RB1CC1: variants seen among roughly 807,000 people sequenced by gnomAD.
RB1CC1 encodes the protein RB1-inducible coiled-coil protein 1.
Under a neutral mutation model 177.5 loss-of-function variants are expected in RB1CC1, and 46 were observed. That is an observed-to-expected ratio of 0.26 (90% confidence interval 0.20 to 0.33). The LOEUF is 0.33. Among genes scored for constraint, RB1CC1 ranks in the 10% least tolerant of loss-of-function variants. RB1CC1 has a pLI of 1.00. For synonymous variants in RB1CC1, 666 were observed against 613.6 expected, an observed-to-expected ratio of 1.09 and a Z score of -1.26; for missense variants, 1,703 against 1,816.3, an observed-to-expected ratio of 0.94 and a Z score of 1.13.
At chr8:52,708,780 T>C (rs961980932) in intron 1 of RB1CC1, among the ~76,000 whole-genome samples, 1 of 152,140 alleles carries the variant, frequency 6.6e-6, no homozygotes, top group African/African-American at 2.4e-5. Flanking sequence ...AGCTGTATTT[T>C]AAAAAATATT....
chr8:52,677,986 A>C (rs1303195264), intron 5 of RB1CC1, among the ~76,000 whole-genome samples: 1 of 152,240 alleles, frequency 6.6e-6, no homozygotes, highest in Non-Finnish European at 1.5e-5. Flanking sequence ...AGGATATAAA[A>C]TATTCAAATG....
intron 16 of RB1CC1, 161 bp from the exon 17 acceptor site, chr8:52,642,973 G>A (rs1849708364): frequency 1.2e-6 from 1 of 802,042 alleles, no homozygotes; most frequent in Admixed American, 3.9e-5. Flanking sequence ...AACATACTGT[G>A]GCAAAGGTTC....
rs1466669092 is a variant in RB1CC1, at chr8:52,661,717, TCCCTTTG to T, written c.1174-5_1175del. ...CAGCTCTCTTCTGATTAGCTAAAAA[TCCCTTTG>T]AGAAAAAAAATGTTTCAAAGGACAT... On this transcript the variant is annotated splice_acceptor_variant and splice_polypyrimidine_tract_variant and coding_sequence_variant and intron_variant, in exon 9 of 24. Coordinates refer to ENST00000025008, the MANE Select transcript of RB1CC1 (RefSeq NM_014781.5). LOFTEE classifies it high-confidence loss of function. The T allele has an allele frequency of 6.5e-7, 1 of 1,546,308 alleles. No homozygotes were observed. The highest frequency in any genetic ancestry group is 8.7e-7 in the Non-Finnish European group (1 of 1,149,612).
rs766850352 is a variant in RB1CC1 at position 52,658,077 on chromosome 8, G to T, written c.1841C>A (p.Ala614Asp). ...TGCTGCTTTTACCAAATTATGTAGA[G>T]CAAGTACATGCTGGTGTAGAGGTTC... ...DFEPLHQHVL[A>D]LHNLVKAAQS... The change falls in exon 14 of 24, where the codon GCT becomes GAT. Residue 614 changes from alanine to aspartate, a missense_variant. Transcript: ENST00000025008. 1 of 1,613,890 alleles carries T rather than the reference G, an allele frequency of 6.2e-7. No individual in the cohort carries two copies. Among genetic ancestry groups the T allele is most frequent in the South Asian group, 1.1e-5 (1 of 91,064 alleles).
Position 52,686,908 on chromosome 8 carries a change from C to T in RB1CC1, c.-107G>A. The stretch of plus-strand genomic sequence containing the variant: ...TTCTTAAAAAGTAGATTAAAACTGG[C>T]TTATGTTTGCTTTGCTTGAGATTGG... On this transcript the variant is annotated 5_prime_UTR_variant, in exon 2 of 24. Coordinates refer to ENST00000025008, the MANE Select transcript of RB1CC1 (RefSeq NM_014781.5). The T allele has an allele frequency of 2.2e-6, 1 of 456,538 alleles. No individual in the cohort carries two copies. Among genetic ancestry groups the T allele is most frequent in the South Asian group, 1.5e-5 (1 of 64,542 alleles). 28.3% of individuals were successfully genotyped at this position (456,538 alleles called of 1,614,324 possible). A position where few individuals can be genotyped will look rare whatever the true frequency, so the allele number is the denominator to read the frequency against.
intron 1 of RB1CC1, among the ~76,000 whole-genome samples, chr8:52,693,900 C>T (rs1855128910): frequency 6.6e-6 from 1 of 152,136 alleles, no homozygotes; most frequent in East Asian, 1.9e-4. Flanking sequence ...ACCTATGTAA[C>T]AAACCCATAT....
chr8:52,648,910 A>G (rs1379166012), intron 15 of RB1CC1, among the ~76,000 whole-genome samples: 1 of 152,196 alleles, frequency 6.6e-6, no homozygotes, highest in Non-Finnish European at 1.5e-5. Context: ...CTTTGGAGCC[A>G]TTAAATAAAG....
rs1470969475 is a variant in RB1CC1, at chr8:52,658,097, A to G, written c.1821T>C (p.Pro607=). Residue 607 remains proline, a synonymous_variant, in exon 14 of 24, where the codon CCT becomes CCC. Coordinates refer to ENST00000025008, the MANE Select transcript of RB1CC1 (RefSeq NM_014781.5). ...LRVPLLCDFE[P]LHQHVLALHN... is the part of the protein sequence containing the mutation. ...GTAGAGCAAGTACATGCTGGTGTAG[A>G]GGTTCAAAGTCACAAAGTAAGGGAA... 1.2e-6 allele frequency: 2 copies of G among 1,612,976 alleles called. No homozygotes were observed. The highest frequency in any genetic ancestry group is 2.2e-5 in the South Asian group (2 of 90,736).
At chr8:52,660,783 C>A in intron 11 of RB1CC1, 126 bp from the exon 12 acceptor site, 1 of 1,079,394 alleles carries the variant, frequency 9.3e-7, no homozygotes, top group South Asian at 1.6e-5. Flanking sequence ...ACAATGGATT[C>A]AATTCTATAC....
chr8:52,667,905 A>G (rs1362846931), intron 8 of RB1CC1, 116 bp downstream of exon 8: 15 of 1,007,268 alleles, frequency 1.5e-5, no homozygotes, highest in Non-Finnish European at 2.1e-5. Context: ...TTAATACATT[A>G]AAAATATTCA....
rs1371411039 is a variant in RB1CC1 at position 52,685,401 on chromosome 8, T to C, written c.69A>G (p.Gln23=). 6.3e-7 allele frequency: 1 copy of C among 1,589,058 alleles called. No individual in the cohort carries two copies. The highest frequency in any genetic ancestry group is 1.3e-5 in the African/African-American group (1 of 74,384). The part of the protein sequence containing the change: ...TLTFDTELTV[Q]TVADLKHAIQ... ...AAAATAAATGAAATACAACTCACGT[T>C]TGCACTGTAAGTTCAGTGTCAAATG... The change falls in exon 3 of 24, where the codon CAA becomes CAG. Residue 23 remains glutamine (Q), a splice_region_variant and synonymous_variant. Transcript: ENST00000025008.
chr8:52,631,850 CAG>C (rs961011482), intron 20 of RB1CC1, among the ~76,000 whole-genome samples: 1 of 152,174 alleles, frequency 6.6e-6, no homozygotes, highest in Non-Finnish European at 1.5e-5. Flanking sequence ...CTTACCAAAC[CAG>C]AGTCAACCAC....
intron 1 of RB1CC1, among the ~76,000 whole-genome samples, chr8:52,699,856 T>TATAC (rs1241258803): frequency 1.2e-5 from 1 of 86,916 alleles, no homozygotes; most frequent in East Asian, 3.8e-4. Flanking sequence ...TATATATATA[T>TATAC]ATACACACAA....
At chr8:52,696,976 C>A (rs1280792157) in intron 1 of RB1CC1, among the ~76,000 whole-genome samples, 10 of 151,972 alleles carry the variant, frequency 6.6e-5, no homozygotes, top group African/African-American at 2.4e-5. Flanking sequence ...GTACTCCAGC[C>A]TGGGCAAGGG....
intron 8 of RB1CC1, among the ~76,000 whole-genome samples, chr8:52,667,727 T>C (rs113199835): frequency 1.7e-4 from 26 of 152,320 alleles, no homozygotes; most frequent in East Asian, 7.7e-4. Context: ...TGGGGGGTAG[T>C]AGGAAGCATT....
intron 3 of RB1CC1, 97 bp downstream of exon 3, chr8:52,685,302 C>A: frequency 1.1e-6 from 1 of 914,392 alleles, no homozygotes; most frequent in South Asian, 1.5e-5. Context: ...CCGCACCCGG[C>A]CGCCATTATC....
At chr8:52,697,413 TA>T (rs1855526992) in intron 1 of RB1CC1, among the ~76,000 whole-genome samples, 1 of 152,100 alleles carries the variant, frequency 6.6e-6, no homozygotes, top group African/African-American at 2.4e-5. Flanking sequence ...AACAACTGTA[TA>T]ATAACATTTT....
intron 18 of RB1CC1, among the ~76,000 whole-genome samples, chr8:52,636,702 A>G (rs549708087): frequency 5.9e-5 from 9 of 152,270 alleles, no homozygotes; most frequent in African/African-American, 2.2e-4. Context: ...GACTTCTGTA[A>G]GAGTTTTATA....
chr8:52,704,569 A>C (rs376920296), intron 1 of RB1CC1, among the ~76,000 whole-genome samples: 1 of 152,092 alleles, frequency 6.6e-6, no homozygotes, highest in Non-Finnish European at 1.5e-5. Context: ...AACTTAATAA[A>C]CCAATGATTT....
Sources: allele counts gnomAD v4.1 joint callset (sites outside exome capture counted in the v4.1 genomes callset), GRCh38; gene constraint gnomAD v4.1.1; transcripts MANE v1.5; gene names NCBI Gene and HGNC (gene_info 2026-07-23, HGNC 2026-07-21).